FUT8: variants seen among roughly 807,000 people sequenced by gnomAD.
FUT8 encodes alpha-(1,6)-fucosyltransferase.
A neutral mutation model predicts 71.3 loss-of-function variants in FUT8; 29 were observed. The ratio of observed to expected loss-of-function variants is 0.41; its 90% CI spans 0.30 to 0.55. FUT8 has a LOEUF of 0.55. FUT8 is among the 20% of genes least tolerant of loss of function. The pLI, the probability that FUT8 is intolerant of heterozygous loss-of-function variation, is 0.34. For missense variants in FUT8, 544 were observed against 702.1 expected (o/e 0.77, Z 2.55); for synonymous variants, 254 against 239.3 (o/e 1.06, Z -0.57).
At chr14:65,531,365 G>C (rs533756107) in intron 2 of FUT8, among the ~76,000 whole-genome samples, 2 of 152,018 alleles carry the variant, frequency 1.3e-5, no homozygotes, top group Non-Finnish European at 2.9e-5. Context: ...GCTATTCTTA[G>C]AAGAGGAACT....
chr14:65,482,272 TG>T (rs1334591837), intron 2 of FUT8, among the ~76,000 whole-genome samples: 1 of 152,200 alleles, frequency 6.6e-6, no homozygotes, highest in Non-Finnish European at 1.5e-5. Flanking sequence ...ATCATTTGAC[TG>T]TATACGCGTG....
chr14:65,743,252 TG>T lies in FUT8; in HGVS notation c.*843del, dbSNP rs1255416287. On this transcript the variant is annotated 3_prime_UTR_variant, in exon 11 of 11. Coordinates refer to ENST00000673929, the MANE Select transcript of FUT8 (RefSeq NM_001371533.1). ...TTTTAGTTTTTCAGCTTATTTACTTTGTTTTTTTTCCTGTTTCTGATATAGT... is the reference window on the plus strand; with the variant it reads ...TTTTAGTTTTTCAGCTTATTTACTTTTTTTTTTTCCTGTTTCTGATATAGT... The T allele has an allele frequency of 3.9e-5, 6 of 152,086 alleles. No homozygotes were observed. The highest frequency in any genetic ancestry group is 6.6e-5 in the Admixed American group (1 of 15,228). 9.4% of individuals were successfully genotyped at this position (152,086 alleles called of 1,614,324 possible). A position where few individuals can be genotyped will look rare whatever the true frequency, so the allele number is the denominator to read the frequency against.
chr14:65,642,238 A>G (rs1274822391), intron 6 of FUT8, among the ~76,000 whole-genome samples: 1 of 152,174 alleles, frequency 6.6e-6, no homozygotes, highest in African/African-American at 2.4e-5. Context: ...GCATATAGCT[A>G]TTCAATTGGT....
chr14:65,717,212 C>T (rs1341647893), intron 7 of FUT8, among the ~76,000 whole-genome samples: 13 of 86,602 alleles, frequency 1.5e-4, no homozygotes, highest in East Asian at 8.1e-4. Context: ...CGCTCCTCAC[C>T]TCCCAGACGG....
intron 6 of FUT8, chr14:65,646,106 A>G (rs1891114282): frequency 6.6e-6 from 1 of 152,184 alleles, no homozygotes. Flanking sequence ...AATTTTACAA[A>G]AACACATCCA....
the FUT8 span, among the ~76,000 whole-genome samples, chr14:65,399,828 A>C: frequency 6.6e-6 from 1 of 152,232 alleles, no homozygotes; most frequent in Non-Finnish European, 1.5e-5. Flanking sequence ...AAAGCTATTA[A>C]AACTTCATTG....
chr14:65,538,399 C>T (rs144640494), intron 2 of FUT8, among the ~76,000 whole-genome samples: 7 of 152,236 alleles, frequency 4.6e-5, no homozygotes, highest in Middle Eastern at 3.4e-3. Flanking sequence ...TCACATCAGC[C>T]CCTGTTCTTT....
At chr14:65,636,743 A>G (rs1194759995) in intron 6 of FUT8, 1 of 152,138 alleles carries the variant, frequency 6.6e-6, no homozygotes, top group African/African-American at 2.4e-5. Context: ...ATTAACCTGT[A>G]TATTGGTTTT....
chr14:65,376,876 T>A, the FUT8 span, among the ~76,000 whole-genome samples: 347 of 152,206 alleles, frequency 2.3e-3, 2 homozygotes, highest in African/African-American at 8.0e-3. Flanking sequence ...GAGAGCAAGG[T>A]GAGTTCCTAT....
intron 1 of FUT8, among the ~76,000 whole-genome samples, chr14:65,429,597 C>T (rs1206497522): frequency 6.6e-6 from 1 of 151,976 alleles, no homozygotes; most frequent in Non-Finnish European, 1.5e-5. Flanking sequence ...GGCATGGTGC[C>T]TCATGCCTGT....
chr14:65,661,468 AGTTT>A (rs1891961723), intron 6 of FUT8, among the ~76,000 whole-genome samples: 2 of 152,332 alleles, frequency 1.3e-5, no homozygotes, highest in East Asian at 3.9e-4. Flanking sequence ...TATTATGTCC[AGTTT>A]ATATTTACTA....
intron 3 of FUT8, among the ~76,000 whole-genome samples, chr14:65,568,152 T>G (rs1426156753): frequency 6.6e-6 from 1 of 151,742 alleles, no homozygotes; most frequent in Non-Finnish European, 1.5e-5. Flanking sequence ...TGGTGAGACG[T>G]GTTTTTCAAA....
At chr14:65,367,702 G>A in the FUT8 span, among the ~76,000 whole-genome samples, 1 of 152,088 alleles carries the variant, frequency 6.6e-6, no homozygotes, top group African/African-American at 2.4e-5. Flanking sequence ...GAACACTACA[G>A]GGAATTCGAT....
intron 2 of FUT8, among the ~76,000 whole-genome samples, chr14:65,480,578 G>A (rs769018014): frequency 6.6e-6 from 1 of 152,034 alleles, no homozygotes; most frequent in Non-Finnish European, 1.5e-5. Context: ...GCCTCCCAAA[G>A]TATTGGGATT....
chr14:65,494,681 G>A (rs955473026), intron 2 of FUT8, among the ~76,000 whole-genome samples: 1 of 152,010 alleles, frequency 6.6e-6, no homozygotes, highest in African/African-American at 2.4e-5. Flanking sequence ...TGCCATGGTG[G>A]TTTGCTGCAC....
chr14:65,367,044 C>G, the FUT8 span, among the ~76,000 whole-genome samples: 1 of 152,156 alleles, frequency 6.6e-6, no homozygotes, highest in Non-Finnish European at 1.5e-5. Flanking sequence ...TGCAACATCT[C>G]CAGATTTCTC....
the FUT8 span, among the ~76,000 whole-genome samples, chr14:65,400,422 C>G: frequency 6.6e-6 from 1 of 152,186 alleles, no homozygotes; most frequent in African/African-American, 2.4e-5. Flanking sequence ...ACATTAGTGT[C>G]CATCAAATAT....
chr14:65,568,122 T>C (rs938892423), intron 3 of FUT8, among the ~76,000 whole-genome samples: 17 of 151,802 alleles, frequency 1.1e-4, no homozygotes, highest in African/African-American at 3.6e-4. Flanking sequence ...TTCAGCTCTT[T>C]TTTTTTCTCA....
At chr14:65,633,220 T>C (rs1158056683) in intron 6 of FUT8, among the ~76,000 whole-genome samples, 1 of 152,186 alleles carries the variant, frequency 6.6e-6, no homozygotes, top group Non-Finnish European at 1.5e-5. Flanking sequence ...GGGGTTTCGC[T>C]GTGTTGGCCG....
Sources: allele counts gnomAD v4.1 joint callset (sites outside exome capture counted in the v4.1 genomes callset), GRCh38; gene constraint gnomAD v4.1.1; transcripts MANE v1.5; gene names NCBI Gene and HGNC (gene_info 2026-07-23, HGNC 2026-07-21).